Variants in SEMA3D observed in about 807,000 individuals in gnomAD.
The protein encoded by SEMA3D is semaphorin 3D.
In SEMA3D, 84 loss-of-function variants were observed where a neutral mutation model predicts 100.1. The observed-to-expected ratio is 0.84, with a 90% confidence interval of 0.70 to 1.01. The LOEUF is 1.01. Among genes scored for constraint, SEMA3D ranks in the 50% least tolerant of loss-of-function variants. The pLI is 0.00. For missense variants in SEMA3D, 875 were observed against 934.1 expected (o/e 0.94, Z 0.82); for synonymous variants, 312 against 320.7 (o/e 0.97, Z 0.29).
At chr7:85,065,624 T>A in intron 7 of SEMA3D, 72 bp from the exon 8 acceptor site, 1 of 1,136,822 alleles carries the variant, frequency 8.8e-7, no homozygotes, top group Non-Finnish European at 1.3e-6. Flanking sequence ...TGTACAAATT[T>A]CACAGCATGA....
chr7:85,101,983 G>T lies in SEMA3D; in HGVS notation c.152-4018C>A, dbSNP rs1038031595. On this transcript the variant is annotated intron_variant, in intron 3 of 18. Transcript: ENST00000284136. ...CTATTAAATCCACAAATATTTATAA[G>T]CATTTAGTGTGTATTAAGTGTTGAG... Among the ~76,000 whole-genome samples, 3 of 151,964 alleles carry T rather than the reference G, an allele frequency of 2.0e-5. No individual in the cohort carries two copies. In the East Asian group the frequency reaches 5.8e-4, roughly 29 times the overall value.
chr7:85,134,670 A>G (rs570841209), intron 2 of SEMA3D, among the ~76,000 whole-genome samples: 1 of 152,148 alleles, frequency 6.6e-6, no homozygotes, highest in African/African-American at 2.4e-5. Flanking sequence ...AGCTTAACAC[A>G]GTCTCTGGTA....
At chr7:85,017,944 G>A (rs920794075) in intron 15 of SEMA3D, among the ~76,000 whole-genome samples, 6 of 151,656 alleles carry the variant, frequency 4.0e-5, no homozygotes, top group Non-Finnish European at 7.4e-5. Flanking sequence ...TAATGGTTAG[G>A]GTTGATATTC....
the SEMA3D span, among the ~76,000 whole-genome samples, chr7:85,227,410 A>T: frequency 6.6e-6 from 1 of 152,126 alleles, no homozygotes; most frequent in Non-Finnish European, 1.5e-5. Context: ...GGACACCCCA[A>T]AGAGCTGCTT....
chr7:85,217,164 C>T, the SEMA3D span, among the ~76,000 whole-genome samples: 1 of 151,960 alleles, frequency 6.6e-6, no homozygotes, highest in Non-Finnish European at 1.5e-5. Flanking sequence ...TACTTATCTG[C>T]ACTTCTCTAG....
intron 18 of SEMA3D, among the ~76,000 whole-genome samples, chr7:85,001,528 A>T (rs1037255653): frequency 2.0e-5 from 3 of 152,178 alleles, no homozygotes; most frequent in African/African-American, 7.2e-5. Flanking sequence ...TACACTACGT[A>T]TAATTGTTTT....
At chr7:85,164,473 A>G (rs973497409) in intron 1 of SEMA3D, among the ~76,000 whole-genome samples, 7 of 152,150 alleles carry the variant, frequency 4.6e-5, no homozygotes, top group African/African-American at 1.7e-4. Context: ...AAGGAAAATT[A>G]GATTCCCTTA....
rs1390204985 is a variant in SEMA3D, at chr7:85,066,945, G to GAGAGAA, written c.589+1245_589+1246insTTCTCT. Among the ~76,000 whole-genome samples, 3 of 149,856 alleles carry GAGAGAA rather than the reference G, an allele frequency of 2.0e-5. No individual in the cohort carries two copies. In the South Asian group the frequency reaches 6.3e-4, roughly 32 times the overall value. On this transcript the variant is annotated intron_variant, in intron 7 of 18. Transcript: ENST00000284136. ...AGAGAGAGAGAGAGAGAGAGAGAGA[G>GAGAGAA]AACTCCAGCTATGTAAAGTAGACAT... is the stretch of plus-strand genomic sequence containing the variant.
intron 1 of SEMA3D, among the ~76,000 whole-genome samples, chr7:85,156,086 G>A (rs1342800801): frequency 1.3e-5 from 2 of 148,584 alleles, no homozygotes; most frequent in African/African-American, 5.0e-5. Context: ...CTTGCATTAT[G>A]CTGCAATATA....
intron 12 of SEMA3D, chr7:85,029,285 T>C: frequency 1.1e-6 from 1 of 942,184 alleles, no homozygotes; most frequent in South Asian, 1.3e-5. Context: ...AAGGGCCATT[T>C]GAGCAAGGAA....
At chr7:85,132,472 C>A (rs1436971062) in intron 2 of SEMA3D, among the ~76,000 whole-genome samples, 1 of 151,800 alleles carries the variant, frequency 6.6e-6, no homozygotes, top group Non-Finnish European at 1.5e-5. Flanking sequence ...TTGTAGCATA[C>A]CAAGAGTTGA....
chr7:85,020,045 G>C (rs1439294501), intron 14 of SEMA3D, among the ~76,000 whole-genome samples, 188 bp downstream of exon 14: 1 of 151,648 alleles, frequency 6.6e-6, no homozygotes, highest in Admixed American at 6.6e-5. Flanking sequence ...GTATTCTACA[G>C]AGGAAGGTGA....
chr7:85,114,178 T>C (rs1789173005), intron 3 of SEMA3D, among the ~76,000 whole-genome samples: 1 of 152,122 alleles, frequency 6.6e-6, no homozygotes, highest in Admixed American at 6.6e-5. Flanking sequence ...ATATAAGCAA[T>C]TTGCCCCACC....
At chr7:85,200,337 C>T in the SEMA3D span, among the ~76,000 whole-genome samples, 1 of 152,100 alleles carries the variant, frequency 6.6e-6, no homozygotes, top group Non-Finnish European at 1.5e-5. Flanking sequence ...GGGATATGGA[C>T]AATAAAGTCC....
At chr7:85,155,282 C>T (rs546755380) in intron 1 of SEMA3D, among the ~76,000 whole-genome samples, 1 of 152,046 alleles carries the variant, frequency 6.6e-6, no homozygotes, top group African/African-American at 2.4e-5. Flanking sequence ...TGTATTTTCT[C>T]TTGTAAGTTA....
At chr7:85,199,320 TATC>T in the SEMA3D span, among the ~76,000 whole-genome samples, 45,516 of 151,832 alleles carry the variant, frequency 0.3, 7,182 homozygotes, top group South Asian at 0.46. Context: ...TTATCGTTAT[TATC>T]ATTATTTGCT....
the SEMA3D span, among the ~76,000 whole-genome samples, chr7:85,245,817 A>T: frequency 2.6e-5 from 4 of 152,136 alleles, no homozygotes; most frequent in African/African-American, 9.6e-5. Flanking sequence ...GTTACAATTA[A>T]GGTATTTCTC....
chr7:85,055,812 C>A lies in SEMA3D; in HGVS notation c.766G>T (p.Asp256Tyr), dbSNP rs771593015. Residue 256 changes from aspartate to tyrosine, a missense_variant, in exon 9 of 19, where the codon GAT becomes TAT. By Grantham distance (160) the Asp-to-Tyr change is radical. Transcript: ENST00000284136. ...AAGAAGAAATATATTTTATCATCATCTGGATTGTAGGTGTCTGGTATGAAG... is the reference window on the plus strand; with the variant it reads ...AAGAAGAAATATATTTTATCATCATATGGATTGTAGGTGTCTGGTATGAAG... ...TFFIPDTYNP[D>Y]DDKIYFFFRE... 10 of 1,578,850 alleles carry A rather than the reference C, an allele frequency of 6.3e-6. No homozygotes were observed. The Admixed American group carries it at 1.7e-4, about 27-fold the overall frequency.
chr7:85,105,847 T>G (rs987453363), intron 3 of SEMA3D, among the ~76,000 whole-genome samples: 1 of 152,050 alleles, frequency 6.6e-6, no homozygotes, highest in African/African-American at 2.4e-5. Flanking sequence ...TATTATGTCA[T>G]GGGGTCTGTG....
Sources: allele counts gnomAD v4.1 joint callset (sites outside exome capture counted in the v4.1 genomes callset), GRCh38; gene constraint gnomAD v4.1.1; transcripts MANE v1.5; gene names NCBI Gene and HGNC (gene_info 2026-07-23, HGNC 2026-07-21).